The following KCNIP4 variants were observed in gnomAD, a reference collection of about 807,000 sequenced individuals.
KCNIP4 encodes potassium voltage-gated channel interacting protein 4, also known as Kv channel-interacting protein 4.
KCNIP4 carries 12 observed loss-of-function variants against 34.0 expected under a neutral mutation model. That is an observed-to-expected ratio of 0.35 (90% CI 0.23 to 0.57). The LOEUF (loss-of-function observed/expected upper bound fraction) is 0.57, where lower values mean the gene tolerates loss of function less well. KCNIP4 is among the 20% of genes least tolerant of loss of function. The pLI is 0.83. For synonymous variants in KCNIP4, 124 were observed against 102.2 expected, an observed-to-expected ratio of 1.21 and a Z score of -1.29; for missense variants, 238 against 311.7, an observed-to-expected ratio of 0.76 and a Z score of 1.78.
intron 1 of KCNIP4, among the ~76,000 whole-genome samples, chr4:21,431,441 C>T (rs994857991): frequency 1.3e-4 from 20 of 152,014 alleles, no homozygotes; most frequent in East Asian, 3.9e-4. Flanking sequence ...GCTTTGACGT[C>T]GACCCTTCCG....
At chr4:21,238,035 T>A (rs1759505554) in intron 1 of KCNIP4, among the ~76,000 whole-genome samples, 1 of 152,082 alleles carries the variant, frequency 6.6e-6, no homozygotes, top group African/African-American at 2.4e-5. Flanking sequence ...TCCACCATGA[T>A]CAAGTGGGCT....
chr4:21,332,826 G>C (rs1390540462), intron 1 of KCNIP4, among the ~76,000 whole-genome samples: 1 of 151,956 alleles, frequency 6.6e-6, no homozygotes, highest in Non-Finnish European at 1.5e-5. Context: ...ATATCATACT[G>C]TTCCTCAAAA....
chr4:21,861,155 C>A (rs1278600588), intron 1 of KCNIP4, among the ~76,000 whole-genome samples: 3 of 152,164 alleles, frequency 2.0e-5, no homozygotes, highest in Non-Finnish European at 2.9e-5. Flanking sequence ...CTCATTCTAG[C>A]AAGGCTTTTC....
chr4:20,955,848 G>A (rs932813693), intron 1 of KCNIP4, among the ~76,000 whole-genome samples: 1 of 152,130 alleles, frequency 6.6e-6, no homozygotes, highest in Non-Finnish European at 1.5e-5. Context: ...TCCATATTAA[G>A]TAATATCCTC....
intron 1 of KCNIP4, among the ~76,000 whole-genome samples, chr4:21,757,256 A>G (rs1364307727): frequency 2.9e-5 from 1 of 34,118 alleles, no homozygotes; most frequent in African/African-American, 2.8e-4. Context: ...AGAAAAGAAA[A>G]GAAAAGAAAA....
At chr4:21,209,034 G>C (rs763012652) in intron 1 of KCNIP4, among the ~76,000 whole-genome samples, 3 of 151,944 alleles carry the variant, frequency 2.0e-5, no homozygotes, top group Non-Finnish European at 4.4e-5. Flanking sequence ...TGACACTCAG[G>C]GATTATAAGG....
chr4:20,943,401 C>A (rs769627757), intron 1 of KCNIP4, among the ~76,000 whole-genome samples: 1 of 152,166 alleles, frequency 6.6e-6, no homozygotes, highest in Non-Finnish European at 1.5e-5. Flanking sequence ...CCATTTGTGG[C>A]AGAGGCAATA....
At chr4:20,864,601 C>T (rs1051037172) in intron 2 of KCNIP4, among the ~76,000 whole-genome samples, 1 of 151,934 alleles carries the variant, frequency 6.6e-6, no homozygotes, top group Non-Finnish European at 1.5e-5. Flanking sequence ...CTGCCTCCCC[C>T]AGAGCAGGAG....
At chr4:20,808,446 G>A (rs542419294) in intron 3 of KCNIP4, among the ~76,000 whole-genome samples, 17 of 152,250 alleles carry the variant, frequency 1.1e-4, no homozygotes, top group Admixed American at 8.5e-4. Context: ...ACTGTATGTA[G>A]CTCTTTTGAT....
intron 1 of KCNIP4, among the ~76,000 whole-genome samples, chr4:20,906,051 TCCTC>T (rs376112934): frequency 1.9e-4 from 29 of 150,326 alleles, no homozygotes; most frequent in South Asian, 8.6e-4. Flanking sequence ...CCCCTTCTCT[TCCTC>T]CCTCCCTCCC....
chr4:21,921,322 C>T (rs10938867), intron 1 of KCNIP4, among the ~76,000 whole-genome samples: 34,001 of 151,800 alleles, frequency 0.22, 4,656 homozygotes, highest in South Asian at 0.31. Context: ...AGTCCCAACA[C>T]GTATGCCTCA....
rs1236500072 is a variant in KCNIP4, at chr4:21,467,892, G to A, written c.61+480679C>T. 3.3e-5 allele frequency among the ~76,000 whole-genome samples: 5 copies of A among 152,234 alleles called. No individual in the cohort carries two copies. In the East Asian group the frequency reaches 5.8e-4, roughly 18 times the overall value. On this transcript the variant is annotated intron_variant, in intron 1 of 8. Transcript: ENST00000382152. ...GTGGCCATGTTAATAATGCAGAGCC[G>A]CAAAAACTTTAGGAAATATCCTGTT...
intron 1 of KCNIP4, among the ~76,000 whole-genome samples, chr4:21,502,725 T>G (rs1733471433): frequency 1.3e-5 from 2 of 152,154 alleles, no homozygotes; most frequent in African/African-American, 4.8e-5. Flanking sequence ...TAAGGGAATC[T>G]TATTAAAAAG....
chr4:21,479,892 A>G (rs1385224926), intron 1 of KCNIP4, among the ~76,000 whole-genome samples: 2 of 151,948 alleles, frequency 1.3e-5, no homozygotes, highest in African/African-American at 4.8e-5. Context: ...GAATAGTTTT[A>G]GGCACGAGAA....
chr4:21,733,042 AC>A (rs1170136522), intron 1 of KCNIP4, among the ~76,000 whole-genome samples: 1 of 152,170 alleles, frequency 6.6e-6, no homozygotes, highest in African/African-American at 2.4e-5. Flanking sequence ...CACAAACTGT[AC>A]TCTCCCCAAG....
chr4:21,672,465 C>G (rs1181743018), intron 1 of KCNIP4, among the ~76,000 whole-genome samples: 1 of 152,154 alleles, frequency 6.6e-6, no homozygotes. Context: ...AGAATTGTTA[C>G]AGGCTGGATC....
At chr4:21,891,609 G>T (rs113308702) in intron 1 of KCNIP4, among the ~76,000 whole-genome samples, 130 of 152,182 alleles carry the variant, frequency 8.5e-4, no homozygotes, top group African/African-American at 3.0e-3. Context: ...AGTGCACAGG[G>T]TCTAACAATG....
intron 1 of KCNIP4, among the ~76,000 whole-genome samples, chr4:21,836,913 A>ATT: frequency 1.7e-5 from 1 of 60,332 alleles, no homozygotes; most frequent in Non-Finnish European, 3.4e-5. Context: ...AGCTGGGATA[A>ATT]ATTTTTTTTT....
Position 21,015,997 on chromosome 4 carries a change from A to G in KCNIP4, c.62-133288T>C, listed in dbSNP as rs1739506194. Among the ~76,000 whole-genome samples the G allele has an allele frequency of 2.7e-5, 4 of 146,480 alleles. No individual in the cohort carries two copies. In the South Asian group the frequency reaches 8.4e-4, roughly 31 times the overall value. On this transcript the variant is annotated intron_variant, in intron 1 of 8. Coordinates refer to ENST00000382152, the MANE Select transcript of KCNIP4 (RefSeq NM_025221.6). ...GTCAGGTACTATGCTTAAAAAATAA[A>G]AGAGTATATAAATATATATATTTAT...
Sources: gnomAD v4.1 joint callset for allele counts (sites outside exome capture counted in the v4.1 genomes callset) on GRCh38, gnomAD v4.1.1 for gene constraint, MANE v1.5 for transcripts, NCBI Gene and HGNC (gene_info 2026-07-23, HGNC 2026-07-21) for gene names.